Variants in DSCAM observed in about 807,000 individuals in gnomAD.
DSCAM encodes cell adhesion molecule DSCAM.
DSCAM carries 47 observed loss-of-function variants against 217.7 expected under a neutral mutation model. That is an observed-to-expected ratio of 0.22 (90% CI 0.17 to 0.28). DSCAM has a LOEUF of 0.28. Ranked by LOEUF, DSCAM falls within the 10% of genes least tolerant of loss-of-function variation. The pLI is 1.00. For synonymous variants in DSCAM, 1,056 were observed against 1,015.3 expected, an observed-to-expected ratio of 1.04 and a Z score of -0.76; for missense variants, 2,080 against 2,618.3, an observed-to-expected ratio of 0.79 and a Z score of 4.49.
rs371238790 is a variant in DSCAM, at chr21:40,075,098, C to G, written c.4827G>C (p.Leu1609=). Residue 1609 remains leucine (L), a synonymous_variant, in exon 27 of 33, where the codon CTG becomes CTC. Transcript: ENST00000400454. ...TCCGCACAACCAGCAGGAGCACAAA[C>G]AGCAGCAAGACCCCCACCAGGATAC... ...ISCILVGVLL[L]FVLLLVVRRR... is the part of the protein sequence containing the mutation. 6.8e-6 allele frequency: 11 copies of G among 1,614,068 alleles called. No individual in the cohort carries two copies. Among genetic ancestry groups the G allele is most frequent in the Non-Finnish European group, 9.3e-6 (11 of 1,180,040 alleles).
rs190776255 is a variant in DSCAM at position 40,490,180 on chromosome 21, C to T, written c.509-120935G>A. Among the ~76,000 whole-genome samples the T allele has an allele frequency of 1.1e-3, 170 of 152,242 alleles. 1 individual carries two copies. The highest frequency in any genetic ancestry group is 2.1e-3 in the Non-Finnish European group (142 of 68,024). Reference sequence around the variant, plus strand: ...TATCATGAGAACAGCCCAGGAAAGACCCACCCCCATGATTCAATTACCTCC... The same window carrying T: ...TATCATGAGAACAGCCCAGGAAAGATCCACCCCCATGATTCAATTACCTCC... On this transcript the variant is annotated intron_variant, in intron 3 of 32. Coordinates refer to ENST00000400454, the MANE Select transcript of DSCAM (RefSeq NM_001389.5).
At chr21:40,164,368 C>T (rs1013385924) in intron 16 of DSCAM, among the ~76,000 whole-genome samples, 18 of 152,010 alleles carry the variant, frequency 1.2e-4, no homozygotes, top group Admixed American at 5.2e-4. Flanking sequence ...CCTGGGAAGG[C>T]GAGGCAAGAT....
At chr21:40,727,193 A>C (rs2090964394) in intron 1 of DSCAM, among the ~76,000 whole-genome samples, 2 of 152,236 alleles carry the variant, frequency 1.3e-5, no homozygotes, top group South Asian at 2.1e-4. Flanking sequence ...AATCTCGCCT[A>C]CAGAGGCTTA....
chr21:40,021,104 CAGAG>C (rs774247566), intron 32 of DSCAM, among the ~76,000 whole-genome samples: 3 of 139,152 alleles, frequency 2.2e-5, no homozygotes, highest in Admixed American at 7.9e-5. Context: ...AAGAGACACA[CAGAG>C]AGAGAGAGAG....
chr21:40,090,172 G>A (rs561068313), intron 21 of DSCAM, among the ~76,000 whole-genome samples: 3 of 152,212 alleles, frequency 2.0e-5, no homozygotes, highest in Admixed American at 6.5e-5. Flanking sequence ...GTGGTCGTGG[G>A]CTCTTTCTTA....
chr21:40,462,591 T>TC (rs1218660915), intron 3 of DSCAM, among the ~76,000 whole-genome samples: 1 of 152,118 alleles, frequency 6.6e-6, no homozygotes, highest in Admixed American at 6.6e-5. Flanking sequence ...GCAATAAAGA[T>TC]CCCCAAGTGA....
chr21:40,177,885 GTCTTCTGTTAGCCA>G (rs1484439935), intron 15 of DSCAM, among the ~76,000 whole-genome samples: 2 of 152,144 alleles, frequency 1.3e-5, no homozygotes, highest in Non-Finnish European at 2.9e-5. Context: ...CAAACCTCCG[GTCTTCTGTTAGCCA>G]TCTGGGTGTG....
intron 10 of DSCAM, among the ~76,000 whole-genome samples, chr21:40,277,779 G>C: frequency 6.7e-6 from 1 of 149,316 alleles, no homozygotes; most frequent in East Asian, 2.0e-4. Context: ...CTGAGGCAGA[G>C]AACTGCTTGA....
chr21:40,529,891 G>A (rs1221637151), intron 3 of DSCAM, among the ~76,000 whole-genome samples: 2 of 152,118 alleles, frequency 1.3e-5, no homozygotes, highest in African/African-American at 4.8e-5. Context: ...GTCAGTTACA[G>A]GAGGCAATAA....
chr21:40,771,093 C>T (rs2091440218), intron 1 of DSCAM, among the ~76,000 whole-genome samples: 1 of 152,154 alleles, frequency 6.6e-6, no homozygotes, highest in South Asian at 2.1e-4. Flanking sequence ...GCTGCAGAGT[C>T]AAACTAAACC....
chr21:40,101,697 A>G (rs1441011952), intron 20 of DSCAM, among the ~76,000 whole-genome samples: 1 of 152,002 alleles, frequency 6.6e-6, no homozygotes, highest in Non-Finnish European at 1.5e-5. Context: ...CACACATAAA[A>G]TGTAAAATAT....
chr21:40,532,178 G>T (rs1279673875), intron 3 of DSCAM, among the ~76,000 whole-genome samples: 1 of 152,062 alleles, frequency 6.6e-6, no homozygotes, highest in East Asian at 1.9e-4. Flanking sequence ...ATAAAAGAGG[G>T]TGCTTAAAAT....
chr21:40,498,434 G>A lies in DSCAM; in HGVS notation c.509-129189C>T, dbSNP rs77870757. On this transcript the variant is annotated intron_variant, in intron 3 of 32. Coordinates refer to ENST00000400454, the MANE Select transcript of DSCAM (RefSeq NM_001389.5). ...TGGGCTTCCCTTTCTGCTGTAGATG[G>A]GTGTTTTAGAGACAACTTCCCTAGG... Among the ~76,000 whole-genome samples, 476 of 151,706 alleles carry A rather than the reference G, an allele frequency of 3.1e-3. 5 individuals carry two copies. Among genetic ancestry groups the A allele is most frequent in the African/African-American group, 0.011 (452 of 41,402 alleles).
chr21:40,679,846 G>A (rs1440316581), intron 3 of DSCAM, among the ~76,000 whole-genome samples: 1 of 152,162 alleles, frequency 6.6e-6, no homozygotes, highest in Non-Finnish European at 1.5e-5. Context: ...ATTTCCCCAT[G>A]ACTTCTTCAG....
intron 3 of DSCAM, among the ~76,000 whole-genome samples, chr21:40,534,126 TG>T (rs1741499713): frequency 1.3e-5 from 2 of 152,208 alleles, no homozygotes; most frequent in Admixed American, 6.5e-5. Flanking sequence ...GGCAGCCATA[TG>T]TTTTTTATTC....
At chr21:40,143,514 G>T (rs905456069) in intron 17 of DSCAM, among the ~76,000 whole-genome samples, 20 of 152,318 alleles carry the variant, frequency 1.3e-4, no homozygotes, top group African/African-American at 4.8e-4. Flanking sequence ...ATCAAGGGCC[G>T]GGCGCGGTGG....
chr21:40,634,454 C>T (rs1253839951), intron 3 of DSCAM, among the ~76,000 whole-genome samples: 1 of 152,176 alleles, frequency 6.6e-6, no homozygotes, highest in East Asian at 1.9e-4. Context: ...ACTTACGGTT[C>T]TGTTTGCCTA....
At chr21:40,377,936 A>G (rs1366946178) in intron 3 of DSCAM, among the ~76,000 whole-genome samples, 1 of 152,200 alleles carries the variant, frequency 6.6e-6, no homozygotes, top group African/African-American at 2.4e-5. Context: ...CATGATATTA[A>G]ATAAGAACAT....
At chr21:40,266,635 TTATATATATATATATATATATATA>T (rs71186923) in intron 11 of DSCAM, among the ~76,000 whole-genome samples, 2 of 62,628 alleles carry the variant, frequency 3.2e-5, no homozygotes, top group Admixed American at 1.7e-4. Flanking sequence ...CAAAGATGTT[TTATATATATATATATATATATATA>T]TATATATATA....
Sources: gnomAD v4.1 joint callset for allele counts (sites outside exome capture counted in the v4.1 genomes callset) on GRCh38, gnomAD v4.1.1 for gene constraint, MANE v1.5 for transcripts, NCBI Gene and HGNC (gene_info 2026-07-23, HGNC 2026-07-21) for gene names.